Variants in OR1F1 observed in about 807,000 individuals in gnomAD.
OR1F1 encodes the protein olfactory receptor 1F1.
For missense variants in OR1F1, 493 were observed against 376.3 expected (o/e 1.31, Z -2.57); for synonymous variants, 184 against 156.7 (o/e 1.17, Z -1.30).
chr16:3,205,174 T>G (rs2141595152), exon 1 of OR1F1: 1 of 1,605,836 alleles, frequency 6.2e-7, no homozygotes, highest in Non-Finnish European at 8.5e-7. Context: ...CAGGGTGGTG[T>G]TTTCTGTCTG....
chr16:3,205,018 G>A (rs1328196434), exon 1 of OR1F1: 4 of 1,614,096 alleles, frequency 2.5e-6, no homozygotes, highest in South Asian at 1.1e-5. Flanking sequence ...CATCATTGCT[G>A]TGTATTTTAA....
At chr16:3,191,407 GC>G in the OR1F1 span, 1 of 152,192 alleles carries the variant, frequency 6.6e-6, no homozygotes, top group Non-Finnish European at 1.5e-5. Context: ...CCCCCAGTGT[GC>G]CCTGGTTTCT....
upstream of OR1F1, among the ~76,000 whole-genome samples, chr16:3,201,798 C>A (rs963523441): frequency 3.3e-5 from 5 of 152,270 alleles, no homozygotes; most frequent in South Asian, 2.1e-4. Flanking sequence ...ACATACCCAC[C>A]AGTGACACCC....
upstream of OR1F1, among the ~76,000 whole-genome samples, chr16:3,199,996 A>G (rs1411204414): frequency 1.3e-5 from 2 of 151,742 alleles, no homozygotes; most frequent in Non-Finnish European, 2.9e-5. Flanking sequence ...ACCCCAGGCA[A>G]CAAGAACAAA....
At chr16:3,191,761 C>T in the OR1F1 span, among the ~76,000 whole-genome samples, 1 of 151,802 alleles carries the variant, frequency 6.6e-6, no homozygotes, top group African/African-American at 2.4e-5. Flanking sequence ...TGGTTGCCAG[C>T]CAGGGGCAGA....
At chr16:3,192,023 G>A in the OR1F1 span, among the ~76,000 whole-genome samples, 21 of 152,188 alleles carry the variant, frequency 1.4e-4, no homozygotes, top group East Asian at 1.9e-4. Context: ...TCTCGCTTAG[G>A]ATGCGAGAGG....
chr16:3,192,015 T>C, the OR1F1 span, among the ~76,000 whole-genome samples: 1 of 152,032 alleles, frequency 6.6e-6, no homozygotes, highest in Admixed American at 6.5e-5. Flanking sequence ...GGTATGATTC[T>C]CGCTTAGGAT....
At chr16:3,190,154 T>C in the OR1F1 span, among the ~76,000 whole-genome samples, 1 of 152,122 alleles carries the variant, frequency 6.6e-6, no homozygotes, top group Non-Finnish European at 1.5e-5. Context: ...GCAGTGGAGA[T>C]AGGCTATGGG....
At chr16:3,201,432 C>T (rs1240552259), upstream of OR1F1, among the ~76,000 whole-genome samples, 2 of 152,204 alleles carry the variant, frequency 1.3e-5, no homozygotes, top group Non-Finnish European at 2.9e-5. Flanking sequence ...TTTACCTTCT[C>T]ACCAGCAATG....
the OR1F1 span, chr16:3,189,656 A>G: frequency 2.0e-5 from 3 of 152,020 alleles, no homozygotes; most frequent in South Asian, 2.1e-4. Context: ...TAGGGGTATG[A>G]TTCTCGCTTA....
the OR1F1 span, among the ~76,000 whole-genome samples, chr16:3,193,797 A>G: frequency 2.1e-4 from 32 of 152,158 alleles, 1 homozygote; most frequent in African/African-American, 7.5e-4. Context: ...GGGTCTCGCT[A>G]TGTTGCTCAA....
the OR1F1 span, among the ~76,000 whole-genome samples, chr16:3,195,411 A>G: frequency 1.3e-5 from 2 of 151,650 alleles, no homozygotes; most frequent in South Asian, 2.1e-4. Flanking sequence ...CCAGTGAGAA[A>G]GGAAACAGGG....
chr16:3,193,864 A>G, the OR1F1 span, among the ~76,000 whole-genome samples: 16 of 152,216 alleles, frequency 1.1e-4, no homozygotes, highest in Admixed American at 1.0e-3. Flanking sequence ...TTTTCTAGCC[A>G]CCCGCGATAA....
chr16:3,198,178 A>G, the OR1F1 span, among the ~76,000 whole-genome samples: 4 of 151,600 alleles, frequency 2.6e-5, no homozygotes, highest in Non-Finnish European at 4.4e-5. Context: ...AGACAGAGAG[A>G]GAGATTATAA....
chr16:3,202,297 A>C (rs1958143617), upstream of OR1F1, among the ~76,000 whole-genome samples: 1 of 152,206 alleles, frequency 6.6e-6, no homozygotes, highest in South Asian at 2.1e-4. Flanking sequence ...AAGCCAATGC[A>C]GTAGTGAGAT....
At chr16:3,196,776 C>T in the OR1F1 span, among the ~76,000 whole-genome samples, 16 of 151,400 alleles carry the variant, frequency 1.1e-4, no homozygotes, top group South Asian at 4.2e-4. Flanking sequence ...CTGCAACCTC[C>T]GCATCCTGGG....
chr16:3,200,037 A>G (rs964823376), upstream of OR1F1, among the ~76,000 whole-genome samples: 2 of 152,030 alleles, frequency 1.3e-5, no homozygotes, highest in Admixed American at 6.6e-5. Flanking sequence ...AAGAAGAAGA[A>G]CAAAGTTAGG....
At chr16:3,205,621 T>C (rs1958198779), downstream of OR1F1, among the ~76,000 whole-genome samples, 1 of 152,176 alleles carries the variant, frequency 6.6e-6, no homozygotes, top group Admixed American at 6.6e-5. Flanking sequence ...CATTTTAATA[T>C]GGACATGTAT....
chr16:3,194,319 C>G, the OR1F1 span, among the ~76,000 whole-genome samples: 1 of 152,188 alleles, frequency 6.6e-6, no homozygotes, highest in African/African-American at 2.4e-5. Flanking sequence ...TTAGAAAGCA[C>G]CCCTTGTATA....
Sources: gnomAD v4.1 joint callset for allele counts (sites outside exome capture counted in the v4.1 genomes callset) on GRCh38, gnomAD v4.1.1 for gene constraint, MANE v1.5 for transcripts, NCBI Gene and HGNC (gene_info 2026-07-23, HGNC 2026-07-21) for gene names.